FMN1: variants seen among roughly 807,000 people sequenced by gnomAD.
The protein encoded by FMN1 is formin 1.
FMN1 carries 110 observed loss-of-function variants against 132.4 expected under a neutral mutation model. That is an observed-to-expected ratio of 0.83 (90% CI 0.71 to 0.97). The LOEUF is 0.97. Among genes scored for constraint, FMN1 ranks in the 50% least tolerant of loss-of-function variants. FMN1 has a pLI of 0.00. For missense variants in FMN1, 1,792 were observed against 1,705.3 expected, an observed-to-expected ratio of 1.05 and a Z score of -0.90; for synonymous variants, 722 against 651.7, an observed-to-expected ratio of 1.11 and a Z score of -1.64.
intron 7 of FMN1, among the ~76,000 whole-genome samples, chr15:32,978,064 C>T (rs1258385537): frequency 6.6e-6 from 1 of 152,040 alleles, no homozygotes; most frequent in Admixed American, 6.6e-5. Flanking sequence ...ACCATGTTGG[C>T]CAGGATGGTC....
At chr15:33,044,031 C>T (rs140850835) in intron 6 of FMN1, among the ~76,000 whole-genome samples, 1 of 152,354 alleles carries the variant, frequency 6.6e-6, no homozygotes, top group East Asian at 1.9e-4. Context: ...CTGGCACCTG[C>T]TCTAATCTCA....
At chr15:33,100,752 A>C (rs899075693) in intron 4 of FMN1, among the ~76,000 whole-genome samples, 6 of 152,356 alleles carry the variant, frequency 3.9e-5, no homozygotes, top group African/African-American at 1.4e-4. Flanking sequence ...ATAAAGAATC[A>C]TCATCGTTGT....
At chr15:33,189,955 G>A (rs1242730712) in intron 2 of FMN1, among the ~76,000 whole-genome samples, 1 of 152,186 alleles carries the variant, frequency 6.6e-6, no homozygotes, top group African/African-American at 2.4e-5. Context: ...AGGACGCACA[G>A]GGCTGAGACC....
At chr15:33,022,459 C>G in intron 6 of FMN1, among the ~76,000 whole-genome samples, 1 of 152,098 alleles carries the variant, frequency 6.6e-6, no homozygotes, top group East Asian at 1.9e-4. Context: ...AATATCAGAA[C>G]AAATAAGAGG....
chr15:33,046,338 T>C lies in FMN1; in HGVS notation c.2161+18619A>G, dbSNP rs1047672081. ...GAATGAACAATGCACTGAAGTGCAT[T>C]TGAAAATGAGGGTTCCCAAATTAGT... On this transcript the variant is annotated intron_variant, in intron 6 of 20. Coordinates refer to ENST00000616417, the MANE Select transcript of FMN1 (RefSeq NM_001277313.2). Among the ~76,000 whole-genome samples, 4 of 152,122 alleles carry C rather than the reference T, an allele frequency of 2.6e-5. No individual in the cohort carries two copies. The South Asian group carries it at 6.2e-4, about 24-fold the overall frequency.
intron 10 of FMN1, among the ~76,000 whole-genome samples, chr15:32,918,659 A>C (rs1010513395): frequency 4.6e-5 from 7 of 152,172 alleles, no homozygotes; most frequent in Admixed American, 3.3e-4. Flanking sequence ...AGAATTCACA[A>C]AACTTCCCCT....
intron 16 of FMN1, among the ~76,000 whole-genome samples, chr15:32,865,219 C>T (rs964969923): frequency 6.6e-6 from 1 of 152,144 alleles, no homozygotes. Flanking sequence ...TTTGTGAATA[C>T]ACCAAAAGTC....
intron 4 of FMN1, among the ~76,000 whole-genome samples, chr15:33,122,814 G>A (rs187218653): frequency 4.6e-5 from 7 of 152,232 alleles, no homozygotes; most frequent in South Asian, 2.1e-4. Context: ...GAAAGAAGAG[G>A]GAACTGGAAT....
At chr15:32,948,210 AAC>A (rs1266709940) in intron 9 of FMN1, among the ~76,000 whole-genome samples, 4 of 152,156 alleles carry the variant, frequency 2.6e-5, no homozygotes, top group Middle Eastern at 3.4e-3. Flanking sequence ...TTAATCTATT[AAC>A]ATTTTAATTA....
In FMN1 at chr15:32,804,288, G is replaced by A. The variant is rs1422288908; in HGVS notation, c.3973C>T (p.Gln1325Ter). The change falls in exon 18 of 21, where the codon CAG becomes TAG. Residue 1325 changes from glutamine to a stop codon, truncating the protein, a stop_gained. Coordinates refer to ENST00000616417, the MANE Select transcript of FMN1 (RefSeq NM_001277313.2). LOFTEE classifies it high-confidence loss of function. Reference sequence around the variant, plus strand: ...CAAATCAGAGCTGCTTACCTTTTCTGTGCATTCTCCAAGTGACTTTCTTCC... The same window carrying A: ...CAAATCAGAGCTGCTTACCTTTTCTATGCATTCTCCAAGTGACTTTCTTCC... ...KMEESHLENAQKSFETTVRYF... is the reference protein window; with the variant it reads ...KMEESHLENA 6.4e-7 allele frequency: 1 copy of A among 1,567,758 alleles called. No homozygotes were observed. The highest frequency in any genetic ancestry group is 1.4e-5 in the African/African-American group (1 of 74,016).
At chr15:33,126,219 G>T (rs565673644) in intron 4 of FMN1, among the ~76,000 whole-genome samples, 2 of 136,506 alleles carry the variant, frequency 1.5e-5, no homozygotes, top group South Asian at 4.2e-4. Context: ...CCTAAAGACA[G>T]AGAGTTTTCC....
chr15:33,085,551 TTATACATA>T (rs1392894291), intron 5 of FMN1, among the ~76,000 whole-genome samples: 2 of 149,482 alleles, frequency 1.3e-5, no homozygotes, highest in East Asian at 1.9e-4. Context: ...TATATTAAAA[TTATACATA>T]TATACATATG....
At chr15:32,864,356 G>A (rs532625280) in intron 16 of FMN1, among the ~76,000 whole-genome samples, 6 of 152,266 alleles carry the variant, frequency 3.9e-5, no homozygotes, top group Admixed American at 6.5e-5. Context: ...AGGAGACACC[G>A]ACATAAGTTA....
intron 4 of FMN1, among the ~76,000 whole-genome samples, chr15:33,128,528 G>A (rs1595539572): frequency 6.6e-6 from 1 of 152,234 alleles, no homozygotes; most frequent in African/African-American, 2.4e-5. Flanking sequence ...GAAACAGCGT[G>A]ATATGTTAAG....
intron 6 of FMN1, among the ~76,000 whole-genome samples, chr15:33,039,409 A>G (rs2036326226): frequency 6.6e-6 from 1 of 152,226 alleles, no homozygotes; most frequent in South Asian, 2.1e-4. Flanking sequence ...GTCTAAGTGT[A>G]GCAAATATGA....
chr15:33,049,536 G>C (rs2036868464), intron 6 of FMN1, among the ~76,000 whole-genome samples: 1 of 152,334 alleles, frequency 6.6e-6, no homozygotes, highest in East Asian at 1.9e-4. Flanking sequence ...AATGACTAAA[G>C]TTTTGGTCAA....
chr15:32,958,109 G>A (rs2030037261), intron 9 of FMN1, among the ~76,000 whole-genome samples: 2 of 152,174 alleles, frequency 1.3e-5, no homozygotes, highest in South Asian at 4.1e-4. Context: ...TTTTGCTGGA[G>A]TTACATAGAA....
intron 9 of FMN1, among the ~76,000 whole-genome samples, chr15:32,928,145 T>C (rs1449282971): frequency 1.3e-5 from 2 of 152,256 alleles, no homozygotes; most frequent in East Asian, 3.9e-4. Flanking sequence ...CGATTAGACC[T>C]AAAAGATAGT....
intron 5 of FMN1, among the ~76,000 whole-genome samples, chr15:33,086,750 C>G (rs2038712681): frequency 6.6e-6 from 1 of 152,226 alleles, no homozygotes; most frequent in Non-Finnish European, 1.5e-5. Context: ...TATATGGGAA[C>G]AAAACCAAAA....
Sources: gnomAD v4.1 joint callset for allele counts (sites outside exome capture counted in the v4.1 genomes callset) on GRCh38, gnomAD v4.1.1 for gene constraint, MANE v1.5 for transcripts, NCBI Gene and HGNC (gene_info 2026-07-23, HGNC 2026-07-21) for gene names.